Variants in LRRC4C observed in about 807,000 individuals in gnomAD.
LRRC4C encodes the protein leucine-rich repeat-containing protein 4C.
LRRC4C carries 5 observed loss-of-function variants against 33.6 expected under a neutral mutation model. That is an observed-to-expected ratio of 0.15 (90% CI 0.08 to 0.31). The LOEUF (loss-of-function observed/expected upper bound fraction) is 0.31. LRRC4C is among the 10% of genes least tolerant of loss of function. The probability of loss-of-function intolerance (pLI) is 1.00; values close to 1 mark genes in which losing one functional copy is unlikely to be tolerated. For missense variants in LRRC4C, 560 were observed against 796.7 expected (o/e 0.70, Z 3.58); for synonymous variants, 329 against 302.0 (o/e 1.09, Z -0.93).
intron 2 of LRRC4C, among the ~76,000 whole-genome samples, chr11:40,739,975 A>G (rs1216055111): frequency 6.6e-6 from 1 of 151,806 alleles, no homozygotes; most frequent in Non-Finnish European, 1.5e-5. Context: ...ATATGCATAT[A>G]CAAAATATAT....
At chr11:40,366,681 T>A (rs557800947) in intron 3 of LRRC4C, among the ~76,000 whole-genome samples, 1 of 152,184 alleles carries the variant, frequency 6.6e-6, no homozygotes, top group African/African-American at 2.4e-5. Context: ...ATATGGCATT[T>A]ATGCACATAA....
chr11:41,014,011 C>T (rs956491224), intron 1 of LRRC4C, among the ~76,000 whole-genome samples: 1 of 152,094 alleles, frequency 6.6e-6, no homozygotes, highest in Non-Finnish European at 1.5e-5. Context: ...TTCACCAGGC[C>T]CCACCTCCAA....
At chr11:40,992,654 C>T (rs1223004831) in intron 1 of LRRC4C, among the ~76,000 whole-genome samples, 1 of 152,104 alleles carries the variant, frequency 6.6e-6, no homozygotes, top group Non-Finnish European at 1.5e-5. Context: ...CCCCATTGAT[C>T]CTGGTAACAT....
chr11:41,098,867 C>A (rs565232175), intron 1 of LRRC4C, among the ~76,000 whole-genome samples: 1 of 151,176 alleles, frequency 6.6e-6, no homozygotes, highest in Admixed American at 6.6e-5. Context: ...AATTTAGATA[C>A]CAAAAATTCA....
rs76140913 is a variant in LRRC4C, at chr11:40,328,270, A to G, written c.-269-8549T>C. ...CTTTATCCTTATTTATTTTAACATG[A>G]GAATTAGAAGTCTGGTGTCTAGGAA... On this transcript the variant is annotated intron_variant, in intron 3 of 6. Transcript: ENST00000528697. Among the ~76,000 whole-genome samples the G allele has an allele frequency of 1.1e-3, 174 of 152,298 alleles. 6 individuals carry two copies. In the East Asian group the frequency reaches 0.029, roughly 25 times the overall value.
At chr11:40,220,802 C>T (rs1864351229) in intron 5 of LRRC4C, among the ~76,000 whole-genome samples, 1 of 151,362 alleles carries the variant, frequency 6.6e-6, no homozygotes, top group African/African-American at 2.4e-5. Context: ...TTTTACAACA[C>T]AAAAACAATC....
At chr11:40,970,964 C>G (rs960560498) in intron 1 of LRRC4C, among the ~76,000 whole-genome samples, 29 of 152,296 alleles carry the variant, frequency 1.9e-4, no homozygotes, top group African/African-American at 6.7e-4. Flanking sequence ...ATTGACCTGG[C>G]TGCTTCTAAC....
chr11:41,449,580 AC>A (rs1270461084), intron 1 of LRRC4C, among the ~76,000 whole-genome samples: 1 of 152,044 alleles, frequency 6.6e-6, no homozygotes, highest in Non-Finnish European at 1.5e-5. Flanking sequence ...CCAGGCCCAG[AC>A]AGGAGAGCAA....
At chr11:41,304,491 T>C (rs1436014252) in intron 1 of LRRC4C, among the ~76,000 whole-genome samples, 6 of 83,636 alleles carry the variant, frequency 7.2e-5, no homozygotes, top group Non-Finnish European at 9.6e-5. Context: ...GGAGCCCCTC[T>C]GCCCGGCCAG....
At chr11:40,491,200 GT>G (rs1415122489) in intron 3 of LRRC4C, among the ~76,000 whole-genome samples, 1 of 152,022 alleles carries the variant, frequency 6.6e-6, no homozygotes, top group Non-Finnish European at 1.5e-5. Flanking sequence ...CATGAAAATC[GT>G]TTGAACCCAG....
At chr11:40,560,171 C>G (rs1359149059) in intron 3 of LRRC4C, among the ~76,000 whole-genome samples, 1 of 152,040 alleles carries the variant, frequency 6.6e-6, no homozygotes, top group Non-Finnish European at 1.5e-5. Context: ...TAAACACTTG[C>G]TTATAGGAGA....
intron 3 of LRRC4C, among the ~76,000 whole-genome samples, chr11:40,556,538 A>T (rs978951581): frequency 1.3e-5 from 2 of 152,288 alleles, no homozygotes; most frequent in Admixed American, 1.3e-4. Context: ...TACATATCTC[A>T]ATAGGCTCTG....
At chr11:41,198,855 T>C (rs1946291204) in intron 1 of LRRC4C, among the ~76,000 whole-genome samples, 2 of 152,126 alleles carry the variant, frequency 1.3e-5, no homozygotes, top group South Asian at 2.1e-4. Context: ...GGGAATGCTA[T>C]ATTTACTGAA....
intron 1 of LRRC4C, among the ~76,000 whole-genome samples, chr11:41,000,440 G>A (rs978419454): frequency 4.6e-5 from 7 of 152,286 alleles, no homozygotes; most frequent in African/African-American, 1.7e-4. Context: ...TTTACTGGAT[G>A]TACACAGAAT....
At chr11:41,232,655 A>G (rs1389778055) in intron 1 of LRRC4C, among the ~76,000 whole-genome samples, 1 of 151,990 alleles carries the variant, frequency 6.6e-6, no homozygotes, top group East Asian at 1.9e-4. Flanking sequence ...CCATTAAATA[A>G]TTGAAATACA....
chr11:40,286,332 A>C (rs554124431), intron 4 of LRRC4C, among the ~76,000 whole-genome samples: 1 of 152,322 alleles, frequency 6.6e-6, no homozygotes, highest in South Asian at 2.1e-4. Context: ...GAAACTGCAG[A>C]TAAGAAGGGA....
At chr11:40,649,475 G>A (rs1014448573) in intron 2 of LRRC4C, among the ~76,000 whole-genome samples, 9 of 152,096 alleles carry the variant, frequency 5.9e-5, no homozygotes, top group Admixed American at 5.9e-4. Flanking sequence ...AGACCATATG[G>A]TTGTCTCCCC....
At chr11:40,719,326 G>GA (rs1255295835) in intron 2 of LRRC4C, among the ~76,000 whole-genome samples, 44 of 152,136 alleles carry the variant, frequency 2.9e-4, no homozygotes, top group African/African-American at 9.7e-4. Context: ...TCTTCTAAGA[G>GA]AAAATGACAA....
chr11:40,673,362 G>A (rs1436099670), intron 2 of LRRC4C, among the ~76,000 whole-genome samples: 1 of 152,092 alleles, frequency 6.6e-6, no homozygotes, highest in African/African-American at 2.4e-5. Context: ...ACATAGCACT[G>A]ATAAGAATAT....
Sources: allele counts gnomAD v4.1 joint callset (sites outside exome capture counted in the v4.1 genomes callset), GRCh38; gene constraint gnomAD v4.1.1; transcripts MANE v1.5; gene names NCBI Gene and HGNC (gene_info 2026-07-23, HGNC 2026-07-21).